The following ZFYVE16 variants were observed in gnomAD, a reference collection of about 807,000 sequenced individuals.
The protein encoded by ZFYVE16 is zinc finger FYVE domain-containing protein 16.
In ZFYVE16, 89 loss-of-function variants were observed where a neutral mutation model predicts 138.1. That is an observed-to-expected ratio of 0.64 (90% CI 0.54 to 0.77). ZFYVE16 has a LOEUF of 0.77. Among genes scored for constraint, ZFYVE16 ranks in the 30% least tolerant of loss-of-function variants. The probability of loss-of-function intolerance (pLI) is 0.00; values close to 1 mark genes in which losing one functional copy is unlikely to be tolerated. For synonymous variants in ZFYVE16, 596 were observed against 618.3 expected, an observed-to-expected ratio of 0.96 and a Z score of 0.53; for missense variants, 1,793 against 1,786.7, an observed-to-expected ratio of 1.00 and a Z score of -0.06.
intron 5 of ZFYVE16, chr5:80,442,036 G>A: frequency 1.7e-6 from 1 of 580,196 alleles, no homozygotes; most frequent in Non-Finnish European, 2.2e-6. Context: ...ATCAGATGGT[G>A]ATAATACCCT....
At chr5:80,418,333 G>A (rs1291608165) in intron 1 of ZFYVE16, among the ~76,000 whole-genome samples, 1 of 107,278 alleles carries the variant, frequency 9.3e-6, no homozygotes, top group African/African-American at 3.7e-5. Context: ...CTTTCTTTTC[G>A]ACAGGGTCTG....
In ZFYVE16 at chr5:80,437,171, T is replaced by C; in HGVS notation, c.486T>C (p.Ile162=). Residue 162 remains isoleucine, a synonymous_variant, in exon 4 of 19, where the codon ATT becomes ATC. Transcript: ENST00000505560. The part of the protein sequence containing the change: ...DDFKSNADSL[I]GLDLSSVSDT... ...TTAAGTCTAATGCAGATTCCTTGAT[T>C]GGATTGGATTTATCTTCAGTGTCAG... 1 of 1,614,060 alleles carries C rather than the reference T, an allele frequency of 6.2e-7. No individual in the cohort carries two copies. The highest frequency in any genetic ancestry group is 8.5e-7 in the Non-Finnish European group (1 of 1,179,980).
At chr5:80,465,365 T>A (rs1753574500) in intron 15 of ZFYVE16, among the ~76,000 whole-genome samples, 1 of 148,748 alleles carries the variant, frequency 6.7e-6, no homozygotes, top group Admixed American at 6.7e-5. Flanking sequence ...CACTGTCTTC[T>A]GGCCTCCATG....
intron 1 of ZFYVE16, among the ~76,000 whole-genome samples, chr5:80,422,256 A>T (rs760419120): frequency 1.1e-4 from 17 of 152,198 alleles, no homozygotes; most frequent in Non-Finnish European, 2.1e-4. Context: ...GCGCTAGCCA[A>T]GGCTTTCCGT....
At chr5:80,426,272 G>GTGTGTATATA (rs1370196862) in intron 1 of ZFYVE16, among the ~76,000 whole-genome samples, 365 of 26,344 alleles carry the variant, frequency 0.014, 1 homozygote, top group African/African-American at 0.02. Context: ...GTGTGTGTGT[G>GTGTGTATATA]TATATATATA....
Position 80,456,480 on chromosome 5 carries a change from A to G in ZFYVE16, c.3710A>G (p.Tyr1237Cys), listed in dbSNP as rs1752541340. ...NLLVDLRNYQ[Y>C]TLHNIDQLLI... is the part of the protein sequence containing the mutation. Reference sequence around the variant, plus strand: ...ATGTAGGACCTTCGAAATTACCAGTATACCTTGCATAATATAGATCAACTG... The same window carrying G: ...ATGTAGGACCTTCGAAATTACCAGTGTACCTTGCATAATATAGATCAACTG... The change falls in exon 13 of 19, where the codon TAT becomes TGT. Residue 1237 changes from tyrosine to cysteine, a missense_variant. Around this residue, in one of 2 missense-constraint regions of ZFYVE16, gnomAD observed 498 missense variants for 582.4 expected, o/e 0.86. Transcript: ENST00000505560. 2 of 1,612,378 alleles carry G rather than the reference A, an allele frequency of 1.2e-6. No homozygotes were observed. The highest frequency in any genetic ancestry group is 1.1e-5 in the South Asian group (1 of 90,922).
At chr5:80,408,884 C>G (rs1183052077) in intron 1 of ZFYVE16, among the ~76,000 whole-genome samples, 3 of 152,206 alleles carry the variant, frequency 2.0e-5, no homozygotes, top group Admixed American at 2.0e-4. Flanking sequence ...TTGATTCAAT[C>G]AGATTCCTCC....
intron 15 of ZFYVE16, among the ~76,000 whole-genome samples, chr5:80,464,478 G>A (rs895305305): frequency 1.1e-4 from 16 of 152,158 alleles, no homozygotes; most frequent in Non-Finnish European, 1.6e-4. Context: ...CCCTTGACAC[G>A]TGAGGATTAT....
chr5:80,410,942 CT>C (rs201915623), intron 1 of ZFYVE16, among the ~76,000 whole-genome samples: 1,704 of 146,368 alleles, frequency 0.012, 34 homozygotes, highest in African/African-American at 0.041. Context: ...GAGCACATGC[CT>C]TTTTTTTTTA....
chr5:80,462,218 A>G (rs913978985), intron 15 of ZFYVE16, among the ~76,000 whole-genome samples: 3 of 152,168 alleles, frequency 2.0e-5, no homozygotes, highest in Non-Finnish European at 4.4e-5. Flanking sequence ...TCACACTGCT[A>G]TAAAGAACTG....
Position 80,451,676 on chromosome 5 carries a change from C to T in ZFYVE16, c.3574C>T (p.Arg1192Cys), listed in dbSNP as rs775767501. 9.3e-6 allele frequency: 15 copies of T among 1,613,474 alleles called. No individual in the cohort carries two copies. The highest frequency in any genetic ancestry group is 1.3e-5 in the African/African-American group (1 of 74,788). ...TCCCTGGGCAAAGGTTTTTCCTATG[C>T]GTTTAATGTTGAGATTGGGTGCAGA... The part of the protein sequence containing the change: ...EIPWAKVFPM[R>C]LMLRLGAEYK... Residue 1192 changes from arginine (R) to cysteine (C), a missense_variant, in exon 11 of 19, where the codon CGT becomes TGT. Physicochemically the swap from Arg to Cys is radical, Grantham distance 180. Around this residue, in one of 2 missense-constraint regions of ZFYVE16, gnomAD observed 498 missense variants for 582.4 expected, o/e 0.86. Transcript: ENST00000505560.
chr5:80,409,308 T>C (rs1268048177), intron 1 of ZFYVE16, among the ~76,000 whole-genome samples: 2 of 152,176 alleles, frequency 1.3e-5, no homozygotes, highest in Non-Finnish European at 2.9e-5. Context: ...ATATTACAGA[T>C]AAAGCCAAAT....
At chr5:80,415,390 A>G (rs1380433011) in intron 1 of ZFYVE16, among the ~76,000 whole-genome samples, 1 of 152,096 alleles carries the variant, frequency 6.6e-6, no homozygotes, top group Non-Finnish European at 1.5e-5. Flanking sequence ...TTTTTCCTCT[A>G]ATATGCTTTT....
rs1751608987 is a variant in ZFYVE16, at chr5:80,448,281, A to C, written c.2980A>C (p.Ser994Arg). Reference sequence around the variant, plus strand: ...AGTTAACAGCAATTTACCTATTGCTAGTATTTCAGATTATAGGTTACTGTG... The same window carrying C: ...AGTTAACAGCAATTTACCTATTGCTCGTATTTCAGATTATAGGTTACTGTG... ...VLVNSNLPIA[S>R]ISDYRLLCDI... is the part of the protein sequence containing the mutation. Residue 994 changes from serine to arginine, a missense_variant, in exon 8 of 19, where the codon AGT becomes CGT. Ser to Arg is a moderately radical substitution (Grantham distance 110). Transcript: ENST00000505560. 2 of 1,613,532 alleles carry C rather than the reference A, an allele frequency of 1.2e-6. No homozygotes were observed. The highest frequency in any genetic ancestry group is 2.2e-5 in the South Asian group (2 of 91,062).
intron 1 of ZFYVE16, among the ~76,000 whole-genome samples, chr5:80,411,220 G>C (rs543515637): frequency 7.1e-6 from 1 of 140,242 alleles, no homozygotes; most frequent in South Asian, 2.3e-4. Context: ...TTGACCTTGT[G>C]ATCTGCCCAC....
chr5:80,410,571 C>CTTTG (rs201816536), intron 1 of ZFYVE16, among the ~76,000 whole-genome samples: 18 of 152,062 alleles, frequency 1.2e-4, no homozygotes, highest in African/African-American at 4.1e-4. Flanking sequence ...ACGTGCTGTA[C>CTTTG]TTTGTTTGTT....
At position 80,439,925 on chromosome 5, in the gene ZFYVE16, A is replaced by T; in HGVS notation, c.2323-11A>T. On this transcript the variant is annotated splice_polypyrimidine_tract_variant and intron_variant, in intron 4 of 18. Transcript: ENST00000505560. ...GAAACAAAGACAAATTTGATATTTT[A>T]TTCTTTATAGGTATTTTGTGGTGTC... The T allele has an allele frequency of 6.3e-7, 1 of 1,596,584 alleles. No homozygotes were observed. Among genetic ancestry groups the T allele is most frequent in the Non-Finnish European group, 8.5e-7 (1 of 1,170,604 alleles).
intron 18 of ZFYVE16, among the ~76,000 whole-genome samples, chr5:80,475,388 T>A (rs1276027122): frequency 6.6e-6 from 1 of 152,236 alleles, no homozygotes; most frequent in Non-Finnish European, 1.5e-5. Flanking sequence ...ACTCTGGAGA[T>A]AATAACTCCA....
chr5:80,469,438 T>C (rs922267930), intron 15 of ZFYVE16, among the ~76,000 whole-genome samples: 47 of 152,178 alleles, frequency 3.1e-4, no homozygotes, highest in African/African-American at 1.0e-3. Flanking sequence ...AGATGAGGTC[T>C]TCCTATATTG....
Sources: gnomAD v4.1 joint callset for allele counts (sites outside exome capture counted in the v4.1 genomes callset) on GRCh38, gnomAD v4.1.1 for gene constraint, gnomAD v4.1.1 regional missense constraint, MANE v1.5 for transcripts, NCBI Gene and HGNC (gene_info 2026-07-23, HGNC 2026-07-21) for gene names.